The following ARAP2 variants were observed in gnomAD, a reference collection of about 807,000 sequenced individuals.
ARAP2 encodes the protein ArfGAP with RhoGAP domain, ankyrin repeat and PH domain 2.
A neutral mutation model predicts 194.5 loss-of-function variants in ARAP2; 148 were observed. That is an observed-to-expected ratio of 0.76 (90% CI 0.67 to 0.87). The LOEUF (loss-of-function observed/expected upper bound fraction) is 0.87. Ranked by LOEUF, ARAP2 falls within the 40% of genes least tolerant of loss-of-function variation. The pLI is 0.00. For missense variants in ARAP2, 2,128 were observed against 1,989.7 expected (o/e 1.07, Z -1.32); for synonymous variants, 695 against 683.5 (o/e 1.02, Z -0.26).
chr4:36,152,977 G>A lies in ARAP2; in HGVS notation c.2753-1933C>T, dbSNP rs553194287. On this transcript the variant is annotated intron_variant, in intron 15 of 32. Transcript: ENST00000303965. ...GCCTCTCTCACTTAGACAAGTGGGAGCCATTCAAAGGTCTTAAACAAACAG... is the reference window on the plus strand; with the variant it reads ...GCCTCTCTCACTTAGACAAGTGGGAACCATTCAAAGGTCTTAAACAAACAG... 1.4e-4 allele frequency among the ~76,000 whole-genome samples: 22 copies of A among 152,320 alleles called. No individual in the cohort carries two copies. In the South Asian group the frequency reaches 4.3e-3, roughly 30 times the overall value.
intron 4 of ARAP2, among the ~76,000 whole-genome samples, chr4:36,212,873 A>C (rs543934870): frequency 6.6e-6 from 1 of 152,220 alleles, no homozygotes; most frequent in East Asian, 1.9e-4. Context: ...CTAAATAATT[A>C]AAATATATAC....
intron 6 of ARAP2, among the ~76,000 whole-genome samples, chr4:36,194,116 G>A (rs184815814): frequency 1.1e-4 from 16 of 152,204 alleles, no homozygotes; most frequent in Admixed American, 9.2e-4. Flanking sequence ...ATTGAATTTT[G>A]ATTAAGCTGA....
At chr4:36,148,622 A>G in intron 16 of ARAP2, 115 bp from the exon 17 acceptor site, 2 of 738,906 alleles carry the variant, frequency 2.7e-6, no homozygotes, top group Admixed American at 5.6e-5. Context: ...TAATGTTATG[A>G]AATCATCCTA....
At chr4:36,169,739 G>A (rs565723138) in intron 9 of ARAP2, among the ~76,000 whole-genome samples, 4 of 152,028 alleles carry the variant, frequency 2.6e-5, no homozygotes, top group Non-Finnish European at 5.9e-5. Flanking sequence ...TCACCATGTT[G>A]GCCAAGATGG....
intron 19 of ARAP2, among the ~76,000 whole-genome samples, chr4:36,144,520 T>C (rs143516716): frequency 2.0e-5 from 3 of 151,828 alleles, no homozygotes; most frequent in Non-Finnish European, 2.9e-5. Flanking sequence ...TCATTAACCA[T>C]AATAATCTAA....
intron 9 of ARAP2, among the ~76,000 whole-genome samples, chr4:36,168,634 GT>G (rs1242856006): frequency 2.0e-5 from 3 of 152,104 alleles, no homozygotes; most frequent in Non-Finnish European, 4.4e-5. Flanking sequence ...AATATATAAA[GT>G]TTTTAGTTAG....
At chr4:36,123,636 C>T (rs1723201528) in intron 22 of ARAP2, among the ~76,000 whole-genome samples, 1 of 151,760 alleles carries the variant, frequency 6.6e-6, no homozygotes, top group Admixed American at 6.6e-5. Context: ...CTCAACAAAA[C>T]TGTTTCCTAG....
intron 9 of ARAP2, among the ~76,000 whole-genome samples, chr4:36,010,465 T>C (rs994147533): frequency 3.3e-5 from 5 of 152,068 alleles, no homozygotes; most frequent in Non-Finnish European, 7.4e-5. Flanking sequence ...GTACATTTTA[T>C]GGATGTGTCA....
chr4:36,117,259 C>A, intron 24 of ARAP2, 124 bp from the exon 25 acceptor site: 1 of 623,998 alleles, frequency 1.6e-6, no homozygotes. Context: ...GAAACAAGCT[C>A]AATTCCCCTG....
rs1275800111 is a variant in ARAP2 at position 36,092,033 on chromosome 4, G to T, written c.4286-13C>A. On this transcript the variant is annotated splice_polypyrimidine_tract_variant and intron_variant, in intron 27 of 32. Coordinates refer to ENST00000303965, the MANE Select transcript of ARAP2 (RefSeq NM_015230.4). The stretch of plus-strand genomic sequence containing the variant: ...AGTGTACTCCGGTCTGTAAAGTACA[G>T]CATTACTTTTGTGAGTTGGGTACGT... 3 of 1,490,288 alleles carry T rather than the reference G, an allele frequency of 2.0e-6. No individual in the cohort carries two copies. The highest frequency in any genetic ancestry group is 2.7e-6 in the Non-Finnish European group (3 of 1,104,720). 92.3% of individuals were successfully genotyped at this position (1,490,288 alleles called of 1,614,324 possible). A position where few individuals can be genotyped will look rare whatever the true frequency, so the allele number is the denominator to read the frequency against.
In ARAP2 at chr4:36,244,200, T is replaced by G. The variant is rs1215464529; in HGVS notation, c.-181A>C. 1 of 151,874 alleles carries G rather than the reference T, an allele frequency of 6.6e-6. No homozygotes were observed. Among genetic ancestry groups the G allele is most frequent in the East Asian group, 2.0e-4 (1 of 5,100 alleles). 9.4% of individuals were successfully genotyped at this position (151,874 alleles called of 1,614,324 possible). A position where few individuals can be genotyped will look rare whatever the true frequency, so the allele number is the denominator to read the frequency against. On this transcript the variant is annotated 5_prime_UTR_variant, in exon 1 of 33. Coordinates refer to ENST00000303965, the MANE Select transcript of ARAP2 (RefSeq NM_015230.4). Reference sequence around the variant, plus strand: ...TCGCCTTGCGCTCGGGTCGCGGAGTTCGAAAAGCGAGGTGAGGCGGCGCTG... The same window carrying G: ...TCGCCTTGCGCTCGGGTCGCGGAGTGCGAAAAGCGAGGTGAGGCGGCGCTG...
intron 27 of ARAP2, among the ~76,000 whole-genome samples, chr4:36,100,063 T>C (rs767294653): frequency 4.3e-4 from 66 of 152,212 alleles, no homozygotes; most frequent in Non-Finnish European, 6.0e-4. Flanking sequence ...ATATATAAGC[T>C]GGATATGGAG....
rs1746970289 is a variant in ARAP2 at position 36,212,476 on chromosome 4, T to TGAGGCAGGAGA, written c.1052_1053insTCTCCTGCCTC (p.Lys352LeufsTer9). 1 of 1,611,290 alleles carries TGAGGCAGGAGA rather than the reference T, an allele frequency of 6.2e-7. No homozygotes were observed. Among genetic ancestry groups the TGAGGCAGGAGA allele is most frequent in the Non-Finnish European group, 8.5e-7 (1 of 1,178,248 alleles). ...CTCCCTGGGTCAAAAATTCATTCTT[T>TGAGGCAGGAGA]ATAGATCGCTTCTATTAAAAAAGCA... On this transcript the variant is annotated frameshift_variant, in exon 5 of 33. Transcript: ENST00000303965. LOFTEE classifies it high-confidence loss of function.
chr4:36,160,430 C>T, intron 13 of ARAP2, 29 bp downstream of exon 13: 1 of 1,473,582 alleles, frequency 6.8e-7, no homozygotes, highest in Non-Finnish European at 9.0e-7. Flanking sequence ...CATTAAAATC[C>T]ACGTCTGCTG....
chr4:36,037,585 C>T (rs373006592), intron 5 of ARAP2, among the ~76,000 whole-genome samples: 3 of 152,184 alleles, frequency 2.0e-5, no homozygotes, highest in African/African-American at 7.2e-5. Flanking sequence ...GATTCATCCC[C>T]CATCAGAATA....
intron 5 of ARAP2, among the ~76,000 whole-genome samples, chr4:36,037,155 T>C (rs917564150): frequency 1.3e-5 from 2 of 152,184 alleles, no homozygotes; most frequent in Admixed American, 1.3e-4. Flanking sequence ...GTGCCTGTTA[T>C]TTCTGAAAAA....
chr4:36,138,996 T>G (rs182703187), intron 19 of ARAP2, among the ~76,000 whole-genome samples: 1 of 151,842 alleles, frequency 6.6e-6, no homozygotes, highest in African/African-American at 2.4e-5. Context: ...CATCATTTTT[T>G]GCTATTTTAT....
intron 2 of ARAP2, among the ~76,000 whole-genome samples, chr4:36,057,423 T>TA (rs1029549171): frequency 4.6e-5 from 7 of 151,946 alleles, no homozygotes; most frequent in Admixed American, 2.6e-4. Flanking sequence ...CATATCCATT[T>TA]AAAAAAACTG....
At chr4:36,064,700 G>A (rs1418402660), downstream of ARAP2, among the ~76,000 whole-genome samples, 2 of 152,176 alleles carry the variant, frequency 1.3e-5, no homozygotes, top group Non-Finnish European at 2.9e-5. Flanking sequence ...CCCAGACCCT[G>A]ATTTGCTATC....
Sources: gnomAD v4.1 joint callset for allele counts (sites outside exome capture counted in the v4.1 genomes callset) on GRCh38, gnomAD v4.1.1 for gene constraint, MANE v1.5 for transcripts, NCBI Gene and HGNC (gene_info 2026-07-23, HGNC 2026-07-21) for gene names.